Variants in DHX16 observed in about 807,000 individuals in gnomAD.
DHX16 encodes DEAH-box helicase 16, also known as pre-mRNA-splicing factor ATP-dependent RNA helicase DHX16.
Under a neutral mutation model 131.2 loss-of-function variants are expected in DHX16, and 81 were observed. That is an observed-to-expected ratio of 0.62 (90% confidence interval 0.52 to 0.74). The LOEUF (loss-of-function observed/expected upper bound fraction) is 0.74, where lower values mean the gene tolerates loss of function less well. DHX16 is among the 30% of genes least tolerant of loss of function. The probability of loss-of-function intolerance (pLI) is 0.00; values close to 1 mark genes in which losing one functional copy is unlikely to be tolerated. For missense variants in DHX16, 980 were observed against 1,363.1 expected (o/e 0.72, Z 4.43); for synonymous variants, 440 against 520.2 (o/e 0.85, Z 2.10).
In DHX16 at chr6:30,656,993, G is replaced by C; in HGVS notation, c.2107C>G (p.Arg703Gly). ...ACAGTGAGCGATTCCATGCCTGTGC[G>C]GGGGTTGTAGCTCTTCTGCTTACAG... ...GFCKQKSYNPRTGMESLTVTP... is the reference protein window; with the variant it reads ...GFCKQKSYNPGTGMESLTVTP... Residue 703 changes from arginine (R) to glycine (G), a missense_variant, in exon 13 of 20, where the codon CGC becomes GGC. Physicochemically the swap from Arg to Gly is moderately radical, Grantham distance 125. Around this residue, in one of 3 missense-constraint regions of DHX16, gnomAD observed 309 missense variants for 537.1 expected, o/e 0.58. Coordinates refer to ENST00000376442, the MANE Select transcript of DHX16 (RefSeq NM_003587.5). The surrounding 1 kb of genome is among the most constrained non-coding windows in gnomAD (Gnocchi z 5.1). The C allele has an allele frequency of 6.2e-7, 1 of 1,612,976 alleles. No individual in the cohort carries two copies. The highest frequency in any genetic ancestry group is 2.2e-5 in the East Asian group (1 of 44,882).
In DHX16 at chr6:30,655,179, C is replaced by T. The variant is rs773747627; in HGVS notation, c.2819G>A (p.Arg940His). ...SSCQGDYIRV[R>H]KAITAGYFYH... Reference sequence around the variant, plus strand: ...GGAGGCTGAAGAAATGCTGACCTTGCGTACACGGATATAGTCCCCCTGGCA... The same window carrying T: ...GGAGGCTGAAGAAATGCTGACCTTGTGTACACGGATATAGTCCCCCTGGCA... The change falls in exon 18 of 20, where the codon CGC becomes CAC. Residue 940 changes from arginine to histidine, a missense_variant. Around this residue, in one of 3 missense-constraint regions of DHX16, gnomAD observed 214 missense variants for 271.2 expected, o/e 0.79. Coordinates refer to ENST00000376442, the MANE Select transcript of DHX16 (RefSeq NM_003587.5). 44 of 1,613,980 alleles carry T rather than the reference C, an allele frequency of 2.7e-5. No homozygotes were observed. Among genetic ancestry groups the T allele is most frequent in the Middle Eastern group, 1.6e-4 (1 of 6,084 alleles).
rs1486948211 is a variant in DHX16, at chr6:30,656,300, T to TC, written c.2431-36dup. On this transcript the variant is annotated intron_variant, in intron 15 of 19. Transcript: ENST00000376442. The surrounding 1 kb of genome is among the most constrained non-coding windows in gnomAD (Gnocchi z 5.1). Reference sequence around the variant, plus strand: ...AGAGAGAGAGAGTTGAGCCCAGTCCTCCCTCAGGTTTCCCGCTACTACTAC... The same window carrying TC: ...AGAGAGAGAGAGTTGAGCCCAGTCCTCCCCTCAGGTTTCCCGCTACTACTAC... 5 of 1,613,288 alleles carry TC rather than the reference T, an allele frequency of 3.1e-6. No homozygotes were observed. Among genetic ancestry groups the TC allele is most frequent in the Admixed American group, 1.7e-5 (1 of 60,000 alleles).
Position 30,665,870 on chromosome 6 carries a change from ATGC to A in DHX16, c.667-140_667-138del. 9.1e-7 allele frequency: 1 copy of A among 1,097,404 alleles called. No homozygotes were observed. Among genetic ancestry groups the A allele is most frequent in the Non-Finnish European group, 1.3e-6 (1 of 785,474 alleles). The allele number at this position is 1,097,404 out of a possible 1,614,324, so 68.0% of individuals were successfully genotyped here. A position where few individuals can be genotyped will look rare whatever the true frequency, so the allele number is the denominator to read the frequency against. On this transcript the variant is annotated intron_variant, in intron 4 of 19. Coordinates refer to ENST00000376442, the MANE Select transcript of DHX16 (RefSeq NM_003587.5). This position sits in a 1 kb window ranked among gnomAD's most constrained non-coding sequence, Gnocchi z 4.8. ...ATGCACCCTCTACCTTCCCTCTGCAATGCACAACCAAAACAATGACATACTCAA... is the reference window on the plus strand; with the variant it reads ...ATGCACCCTCTACCTTCCCTCTGCAAACAACCAAAACAATGACATACTCAA...
At chr6:30,669,150 G>A (rs1323495855) in intron 4 of DHX16, among the ~76,000 whole-genome samples, 9 of 152,258 alleles carry the variant, frequency 5.9e-5, no homozygotes, top group South Asian at 2.1e-4. Flanking sequence ...ACGGCCAGGC[G>A]TAGTGGCTCA....
chr6:30,654,107 G>A (rs1767726563), intron 19 of DHX16, among the ~76,000 whole-genome samples: 4 of 68,678 alleles, frequency 5.8e-5, no homozygotes, highest in Non-Finnish European at 8.6e-5. Flanking sequence ...ACAACAGCAC[G>A]GAACTCTCAA....
At position 30,665,629 on chromosome 6, in the gene DHX16, A is replaced by G; in HGVS notation, c.771T>C (p.Phe257=). 1 of 1,612,684 alleles carries G rather than the reference A, an allele frequency of 6.2e-7. No individual in the cohort carries two copies. Among genetic ancestry groups the G allele is most frequent in the Non-Finnish European group, 8.5e-7 (1 of 1,179,990 alleles). ...CGTGCCGGCTCAGCTCCACGTCCCCAAAAAGGAACTCCTCATCAGCCAGCT... is the reference window on the plus strand; with the variant it reads ...CGTGCCGGCTCAGCTCCACGTCCCCGAAAAGGAACTCCTCATCAGCCAGCT... ...EAELADEEFL[F]GDVELSRHER... is the part of the protein sequence containing the mutation. Residue 257 remains phenylalanine (F), a synonymous_variant, in exon 5 of 20, where the codon TTT becomes TTC. Transcript: ENST00000376442. This position sits in a 1 kb window ranked among gnomAD's most constrained non-coding sequence, Gnocchi z 4.8.
At chr6:30,654,152 CTG>C (rs1464222498) in intron 19 of DHX16, among the ~76,000 whole-genome samples, 5 of 152,018 alleles carry the variant, frequency 3.3e-5, no homozygotes, top group South Asian at 2.1e-4. Context: ...AGACTATACT[CTG>C]TGAGACCAGA....
Position 30,670,617 on chromosome 6 carries a change from G to A in DHX16, c.610-151C>T. 3 of 1,219,836 alleles carry A rather than the reference G, an allele frequency of 2.5e-6. No individual in the cohort carries two copies. Among genetic ancestry groups the A allele is most frequent in the Non-Finnish European group, 1.2e-6 (1 of 868,174 alleles). 75.6% of individuals were successfully genotyped at this position (1,219,836 alleles called of 1,614,324 possible). A position where few individuals can be genotyped will look rare whatever the true frequency, so the allele number is the denominator to read the frequency against. On this transcript the variant is annotated intron_variant, in intron 3 of 19. Coordinates refer to ENST00000376442, the MANE Select transcript of DHX16 (RefSeq NM_003587.5). The surrounding 1 kb of genome is among the most constrained non-coding windows in gnomAD (Gnocchi z 4.4). Reference sequence around the variant, plus strand: ...AGGAATCTCTCTGATTGCAGGTACAGCAGACAGTTGTCTTAGCCACAGGAT... The same window carrying A: ...AGGAATCTCTCTGATTGCAGGTACAACAGACAGTTGTCTTAGCCACAGGAT...
At position 30,655,609 on chromosome 6, in the gene DHX16, A is replaced by G. The variant is rs1206689885; in HGVS notation, c.2499-12T>C. 6 of 1,612,880 alleles carry G rather than the reference A, an allele frequency of 3.7e-6. No homozygotes were observed. The Admixed American group carries it at 1.0e-4, about 27-fold the overall frequency. Reference sequence around the variant, plus strand: ...CTGAACAGCTGTACCTGGGACAGGAAGGGGAAAGCATGAGTTCAAAGCAAG... The same window carrying G: ...CTGAACAGCTGTACCTGGGACAGGAGGGGGAAAGCATGAGTTCAAAGCAAG... On this transcript the variant is annotated splice_polypyrimidine_tract_variant and intron_variant, in intron 16 of 19. Transcript: ENST00000376442.
intron 12 of DHX16, among the ~76,000 whole-genome samples, chr6:30,658,538 A>G (rs371551279): frequency 0.011 from 1,367 of 129,294 alleles, 7 homozygotes; most frequent in Middle Eastern, 0.024. Flanking sequence ...GTGAGACTCC[A>G]TCTCAAAAAA....
In DHX16 at chr6:30,662,421, T is replaced by C. The variant is rs1386613379; in HGVS notation, c.1544+206A>G. 3.3e-5 allele frequency among the ~76,000 whole-genome samples: 5 copies of C among 152,208 alleles called. No individual in the cohort carries two copies. Among genetic ancestry groups the C allele is most frequent in the African/African-American group, 1.2e-4 (5 of 41,456 alleles). On this transcript the variant is annotated intron_variant, in intron 9 of 19. Transcript: ENST00000376442. This position sits in a 1 kb window ranked among gnomAD's most constrained non-coding sequence, Gnocchi z 4.7. The stretch of plus-strand genomic sequence containing the variant: ...CAGCAATGCTCTGCTATCCTGGTTG[T>C]TTTCTAAACCCTGGAGATGAATGGG...
At position 30,671,247 on chromosome 6, in the gene DHX16, G is replaced by C; in HGVS notation, c.235C>G (p.Pro79Ala). The change falls in exon 2 of 20, where the codon CCA (proline) becomes GCA (alanine). Residue 79 changes from proline (P) to alanine (A), a missense_variant. This residue lies in a region of DHX16 where 457 missense variants were observed against 554.8 expected (regional missense o/e 0.82). Coordinates refer to ENST00000376442, the MANE Select transcript of DHX16 (RefSeq NM_003587.5). ...GCCTCTCGCTCTGCTGCCCGAGCTGGCTTTTCTACCACTGCCTTTCGTGGT... is the reference window on the plus strand; with the variant it reads ...GCCTCTCGCTCTGCTGCCCGAGCTGCCTTTTCTACCACTGCCTTTCGTGGT... ...KVPRKAVVEK[P>A]ARAAEREARA... is the part of the protein sequence containing the mutation. 1 of 1,612,998 alleles carries C rather than the reference G, an allele frequency of 6.2e-7. No individual in the cohort carries two copies. The highest frequency in any genetic ancestry group is 8.5e-7 in the Non-Finnish European group (1 of 1,180,026).
At chr6:30,663,406 T>C (rs1194963272) in intron 7 of DHX16, among the ~76,000 whole-genome samples, 2 of 151,108 alleles carry the variant, frequency 1.3e-5, no homozygotes, top group African/African-American at 2.4e-5. Flanking sequence ...CTGGGCAACA[T>C]AGTGTGACAA....
chr6:30,662,823 A>T lies in DHX16; in HGVS notation c.1429-81T>A, dbSNP rs1561984490. 2 of 1,555,498 alleles carry T rather than the reference A, an allele frequency of 1.3e-6. No homozygotes were observed. Among genetic ancestry groups the T allele is most frequent in the East Asian group, 2.2e-5 (1 of 44,594 alleles). Reference sequence around the variant, plus strand: ...TTGGGGAAAGGTGAAGTGGGGCAGCACCAAGACTTCTGCTGTAGGGACCTG... The same window carrying T: ...TTGGGGAAAGGTGAAGTGGGGCAGCTCCAAGACTTCTGCTGTAGGGACCTG... On this transcript the variant is annotated intron_variant, in intron 8 of 19. Transcript: ENST00000376442. This position sits in a 1 kb window ranked among gnomAD's most constrained non-coding sequence, Gnocchi z 4.7.
chr6:30,670,643 G>T lies in DHX16; in HGVS notation c.609+147C>A. On this transcript the variant is annotated intron_variant, in intron 3 of 19. Transcript: ENST00000376442. The surrounding 1 kb of genome is among the most constrained non-coding windows in gnomAD (Gnocchi z 4.4). ...CAGACAGTTGTCTTAGCCACAGGATGCACAGGGCTTCTCTCACCACAGAGG... is the reference window on the plus strand; with the variant it reads ...CAGACAGTTGTCTTAGCCACAGGATTCACAGGGCTTCTCTCACCACAGAGG... 8.0e-7 allele frequency: 1 copy of T among 1,251,264 alleles called. No homozygotes were observed. Among genetic ancestry groups the T allele is most frequent in the African/African-American group, 1.5e-5 (1 of 67,738 alleles). The allele number at this position is 1,251,264 out of a possible 1,614,324, so 77.5% of individuals were successfully genotyped here. A position where few individuals can be genotyped will look rare whatever the true frequency, so the allele number is the denominator to read the frequency against.
Position 30,656,099 on chromosome 6 carries a change from A to T in DHX16, c.2498+99T>A. On this transcript the variant is annotated intron_variant, in intron 16 of 19. Coordinates refer to ENST00000376442, the MANE Select transcript of DHX16 (RefSeq NM_003587.5). This position sits in a 1 kb window ranked among gnomAD's most constrained non-coding sequence, Gnocchi z 5.1. ...AATACTTTATTATGTGTTAAGGGAT[A>T]GTATGATGAACAGAAAAAGACAGAC... The T allele has an allele frequency of 1.8e-6, 2 of 1,134,948 alleles. No homozygotes were observed. The highest frequency in any genetic ancestry group is 1.3e-6 in the Non-Finnish European group (1 of 758,436). 70.3% of individuals were successfully genotyped at this position (1,134,948 alleles called of 1,614,324 possible). A position where few individuals can be genotyped will look rare whatever the true frequency, so the allele number is the denominator to read the frequency against.
intron 12 of DHX16, among the ~76,000 whole-genome samples, chr6:30,657,827 C>T (rs1319682205): frequency 1.3e-5 from 2 of 152,140 alleles, no homozygotes; most frequent in Non-Finnish European, 2.9e-5. Context: ...AAGGAAAATA[C>T]CTTCATGCCA....
chr6:30,653,393 G>GGCT, intron 19 of DHX16, 23 bp from the exon 20 acceptor site: 1 of 1,575,582 alleles, frequency 6.3e-7, no homozygotes, highest in Non-Finnish European at 8.6e-7. Context: ...AAAGATCAAT[G>GGCT]GAGTTCCCTT....
intron 9 of DHX16, 77 bp from the exon 10 acceptor site, chr6:30,660,319 GA>G: frequency 4.1e-6 from 5 of 1,219,360 alleles, no homozygotes; most frequent in Non-Finnish European, 5.6e-6. Flanking sequence ...AACTGGATGA[GA>G]GGGGAGTAAT....
Sources: gnomAD v4.1 joint callset for allele counts (sites outside exome capture counted in the v4.1 genomes callset) on GRCh38, gnomAD v4.1.1 for gene constraint, gnomAD v4.1.1 regional missense constraint, Gnocchi (gnomAD v3.1) non-coding constraint, MANE v1.5 for transcripts, NCBI Gene and HGNC (gene_info 2026-07-23, HGNC 2026-07-21) for gene names.